SMU1: variants seen among roughly 807,000 people sequenced by gnomAD.
SMU1 encodes the protein WD40 repeat-containing protein SMU1.
A neutral mutation model predicts 62.0 loss-of-function variants in SMU1; 2 were observed. The ratio of observed to expected loss-of-function variants is 0.03; its 90% confidence interval spans 0.01 to 0.10. The LOEUF (loss-of-function observed/expected upper bound fraction) is 0.10. Ranked by LOEUF, SMU1 falls within the 10% of genes least tolerant of loss-of-function variation. The pLI is 1.00. For synonymous variants in SMU1, 188 were observed against 212.4 expected, an observed-to-expected ratio of 0.89 and a Z score of 1.00; for missense variants, 227 against 622.1, an observed-to-expected ratio of 0.36 and a Z score of 6.76.
Position 33,053,281 on chromosome 9 carries a change from T to C in SMU1, c.1132A>G (p.Met378Val). 1 of 1,612,736 alleles carries C rather than the reference T, an allele frequency of 6.2e-7. No homozygotes were observed. Among genetic ancestry groups the C allele is most frequent in the East Asian group, 2.2e-5 (1 of 44,888 alleles). Residue 378 changes from methionine (M) to valine (V), a missense_variant, in exon 10 of 12, where the codon ATG becomes GTG. Transcript: ENST00000397149. ...SSDGTVKIWN[M>V]KTTECSNTFK... ...GTATTTGAACATTCTGTGGTCTTCATATTCCAGATCTACCACACAGAAATT... is the reference window on the plus strand; with the variant it reads ...GTATTTGAACATTCTGTGGTCTTCACATTCCAGATCTACCACACAGAAATT...
intron 1 of SMU1, among the ~76,000 whole-genome samples, chr9:33,074,476 A>T (rs1211107532): frequency 6.6e-6 from 1 of 151,958 alleles, no homozygotes; most frequent in Non-Finnish European, 1.5e-5. Flanking sequence ...TAGGCATGAT[A>T]GTGTGTGCTT....
At chr9:33,057,783 C>CAA in intron 6 of SMU1, 69 bp from the exon 7 acceptor site, 1 of 1,592,678 alleles carries the variant, frequency 6.3e-7, no homozygotes, top group Non-Finnish European at 8.5e-7. Flanking sequence ...TACAAACTCA[C>CAA]AAAAACCAGG....
At chr9:33,057,998 T>C (rs1839320617) in intron 6 of SMU1, among the ~76,000 whole-genome samples, 1 of 152,256 alleles carries the variant, frequency 6.6e-6, no homozygotes, top group Non-Finnish European at 1.5e-5. Flanking sequence ...TCTAGTTTCA[T>C]ATTTTACATC....
chr9:33,075,100 G>A (rs982492559), intron 1 of SMU1, among the ~76,000 whole-genome samples: 13 of 152,154 alleles, frequency 8.5e-5, no homozygotes, highest in African/African-American at 3.1e-4. Context: ...CTATAGGCCG[G>A]CCGCGGTGGC....
intron 9 of SMU1, 60 bp downstream of exon 9, chr9:33,056,053 C>A: frequency 6.6e-7 from 1 of 1,525,540 alleles, no homozygotes; most frequent in East Asian, 2.3e-5. Flanking sequence ...CCACTGAAAA[C>A]TCCTCAAAGG....
chr9:33,076,660 C>A lies in SMU1; in HGVS notation c.-52G>T, dbSNP rs1403190172. On this transcript the variant is annotated 5_prime_UTR_variant, in exon 1 of 12. Coordinates refer to ENST00000397149, the MANE Select transcript of SMU1 (RefSeq NM_018225.3). ...CAGCTCTCCCTCAAGGCCAGTCGCG[C>A]AACACACCAACGACACCTCCGGCGG... The A allele has an allele frequency of 3.1e-6, 5 of 1,612,862 alleles. No individual in the cohort carries two copies. Among genetic ancestry groups the A allele is most frequent in the Non-Finnish European group, 4.2e-6 (5 of 1,179,852 alleles).
intron 4 of SMU1, among the ~76,000 whole-genome samples, chr9:33,063,624 T>C (rs748300696): frequency 7.2e-5 from 11 of 151,934 alleles, no homozygotes; most frequent in Non-Finnish European, 1.5e-4. Context: ...AGCATTACAG[T>C]CTGAGCTCCA....
At chr9:33,048,846 T>G (rs184148257) in intron 10 of SMU1, among the ~76,000 whole-genome samples, 3 of 152,346 alleles carry the variant, frequency 2.0e-5, no homozygotes, top group Admixed American at 6.5e-5. Flanking sequence ...GGCTTGGGAT[T>G]AACCTGAAAT....
At chr9:33,060,422 T>C (rs1361525634) in intron 6 of SMU1, 43 bp downstream of exon 6, 1 of 1,550,576 alleles carries the variant, frequency 6.4e-7, no homozygotes. Flanking sequence ...TCAAAGCAGG[T>C]AATTTTTCCA....
Position 33,045,436 on chromosome 9 carries a change from A to AGAATATGACTGG in SMU1, c.*1845_*1856dup, listed in dbSNP as rs1384175880. The stretch of plus-strand genomic sequence containing the variant: ...TTGTGGCAAATGGGAAATGTGTTAT[A>AGAATATGACTGG]GAATATGACTGGGAAAGAGGGATTT... On this transcript the variant is annotated 3_prime_UTR_variant, in exon 12 of 12. Coordinates refer to ENST00000397149, the MANE Select transcript of SMU1 (RefSeq NM_018225.3). 6 of 152,272 alleles carry AGAATATGACTGG rather than the reference A, an allele frequency of 3.9e-5. No homozygotes were observed. The highest frequency in any genetic ancestry group is 1.3e-4 in the Admixed American group (2 of 15,288). The allele number at this position is 152,272 out of a possible 1,614,324, so 9.4% of individuals were successfully genotyped here. A position where few individuals can be genotyped will look rare whatever the true frequency, so the allele number is the denominator to read the frequency against.
chr9:33,075,737 G>A (rs189291048), intron 1 of SMU1, among the ~76,000 whole-genome samples: 1 of 151,570 alleles, frequency 6.6e-6, no homozygotes, highest in Admixed American at 6.6e-5. Context: ...TTCCTCCTAT[G>A]AAAAGTCTCC....
At chr9:33,058,553 G>A (rs1235453866) in intron 6 of SMU1, among the ~76,000 whole-genome samples, 1 of 152,098 alleles carries the variant, frequency 6.6e-6, no homozygotes, top group Non-Finnish European at 1.5e-5. Context: ...CTGACTTCAA[G>A]TGACCTATCA....
At chr9:33,052,163 T>G (rs1274971785) in intron 10 of SMU1, among the ~76,000 whole-genome samples, 2 of 152,094 alleles carry the variant, frequency 1.3e-5, no homozygotes, top group Non-Finnish European at 2.9e-5. Context: ...ACTGGTTATA[T>G]CTAAATAAGA....
intron 10 of SMU1, among the ~76,000 whole-genome samples, chr9:33,051,050 G>A (rs1839241438): frequency 9.8e-6 from 1 of 102,384 alleles, no homozygotes; most frequent in Non-Finnish European, 2.2e-5. Flanking sequence ...GAACCCAGGA[G>A]GCGGAGCTTG....
rs543882740 is a variant in SMU1 at position 33,057,440 on chromosome 9, G to A, written c.867+158C>T. ...TATGTTATTGGATCACCCAGACAGA[G>A]TTGCTAAGATTACATAAGAAAAAGT... On this transcript the variant is annotated intron_variant, in intron 7 of 11. Coordinates refer to ENST00000397149, the MANE Select transcript of SMU1 (RefSeq NM_018225.3). Among the ~76,000 whole-genome samples the A allele has an allele frequency of 2.6e-5, 4 of 152,302 alleles. No homozygotes were observed. In the South Asian group the frequency reaches 8.3e-4, roughly 32 times the overall value.
In SMU1 at chr9:33,071,660, T is replaced by C; in HGVS notation, c.390+80A>G. On this transcript the variant is annotated intron_variant, in intron 3 of 11. Transcript: ENST00000397149. Reference sequence around the variant, plus strand: ...AAATCACAAAGAGTATACAATAAAATGGTAAAAAAAAAAAAAAAAGATCAT... The same window carrying C: ...AAATCACAAAGAGTATACAATAAAACGGTAAAAAAAAAAAAAAAAGATCAT... The C allele has an allele frequency of 2.4e-6, 3 of 1,255,676 alleles. 1 individual carries two copies. The highest frequency in any genetic ancestry group is 3.3e-6 in the Non-Finnish European group (3 of 915,916). The allele number at this position is 1,255,676 out of a possible 1,614,324, so 77.8% of individuals were successfully genotyped here. A position where few individuals can be genotyped will look rare whatever the true frequency, so the allele number is the denominator to read the frequency against.
chr9:33,065,874 G>A (rs1352480549), intron 4 of SMU1, among the ~76,000 whole-genome samples: 3 of 152,168 alleles, frequency 2.0e-5, no homozygotes, highest in African/African-American at 7.2e-5. Flanking sequence ...GTGGAGGTGA[G>A]AAGCCACAAT....
At chr9:33,072,582 A>G (rs1387539741) in intron 2 of SMU1, among the ~76,000 whole-genome samples, 1 of 151,962 alleles carries the variant, frequency 6.6e-6, no homozygotes, top group Non-Finnish European at 1.5e-5. Flanking sequence ...CTGTAATCCC[A>G]GCATTTGGGA....
chr9:33,042,706 C>G lies in SMU1; in HGVS notation c.*4587G>C, dbSNP rs528329120. ...TAGCCTAAGCATCAAAATGATTATG[C>G]GCAGCCAAGGTTGAAAGCCACCAAC... is the stretch of plus-strand genomic sequence containing the variant. On this transcript the variant is annotated 3_prime_UTR_variant, in exon 12 of 12. Coordinates refer to ENST00000397149, the MANE Select transcript of SMU1 (RefSeq NM_018225.3). 2 of 152,172 alleles carry G rather than the reference C, an allele frequency of 1.3e-5. No individual in the cohort carries two copies. Among genetic ancestry groups the G allele is most frequent in the Non-Finnish European group, 2.9e-5 (2 of 68,050 alleles). The allele number at this position is 152,172 out of a possible 1,614,324, so 9.4% of individuals were successfully genotyped here.
Sources: allele counts gnomAD v4.1 joint callset (sites outside exome capture counted in the v4.1 genomes callset), GRCh38; gene constraint gnomAD v4.1.1; transcripts MANE v1.5; gene names NCBI Gene and HGNC (gene_info 2026-07-23, HGNC 2026-07-21).